The following PKHD1 variants were observed in gnomAD, a reference collection of about 807,000 sequenced individuals.
The protein encoded by PKHD1 is fibrocystin.
PKHD1 carries 291 observed loss-of-function variants against 412.0 expected under a neutral mutation model. The observed-to-expected ratio is 0.71, with a 90% confidence interval of 0.64 to 0.78. The LOEUF (loss-of-function observed/expected upper bound fraction) is 0.78, where lower values mean the gene tolerates loss of function less well. Among genes scored for constraint, PKHD1 ranks in the 30% least tolerant of loss-of-function variants. The pLI is 0.00. For synonymous variants in PKHD1, 1,777 were observed against 1,821.5 expected (o/e 0.98, Z 0.62); for missense variants, 4,825 against 4,950.7 (o/e 0.97, Z 0.76).
intron 37 of PKHD1, among the ~76,000 whole-genome samples, chr6:51,931,805 G>T (rs920367943): frequency 1.3e-5 from 2 of 151,424 alleles, no homozygotes; most frequent in African/African-American, 2.4e-5. Context: ...GCCTAATCTG[G>T]GAATATAGGA....
rs765520501 is a variant in PKHD1, at chr6:52,058,350, G to A, written c.1485C>T (p.Val495=). ...TYLREKHQIR[V]RAQRLPEVQV... ...GTACTTCTGGAAGCCTCTGGGCTCG[G>A]ACTCGGATCTGGTGCTTCTCCCGTA... The change falls in exon 16 of 67, where the codon GTC becomes GTT. Residue 495 remains valine (V), a synonymous_variant. Transcript: ENST00000371117. 2 of 1,614,132 alleles carry A rather than the reference G, an allele frequency of 1.2e-6. No individual in the cohort carries two copies. The highest frequency in any genetic ancestry group is 2.2e-5 in the South Asian group (2 of 91,080).
intron 5 of PKHD1, among the ~76,000 whole-genome samples, chr6:52,079,151 G>T (rs1811703182): frequency 6.6e-6 from 1 of 152,142 alleles, no homozygotes; most frequent in African/African-American, 2.4e-5. Context: ...AAACCATCTA[G>T]GACCTTTTCA....
intron 55 of PKHD1, among the ~76,000 whole-genome samples, chr6:51,768,986 T>G (rs539133950): frequency 6.6e-6 from 1 of 151,702 alleles, no homozygotes; most frequent in Non-Finnish European, 1.5e-5. Flanking sequence ...AATCTTCACA[T>G]CTGGTATTAA....
At chr6:51,677,869 C>CA (rs1189182961) in intron 60 of PKHD1, among the ~76,000 whole-genome samples, 6 of 150,206 alleles carry the variant, frequency 4.0e-5, no homozygotes, top group East Asian at 2.0e-4. Context: ...TTTTTAAATT[C>CA]AAAAAAAAAT....
chr6:51,912,231 T>C (rs921323452), intron 38 of PKHD1, 135 bp downstream of exon 38: 4 of 744,604 alleles, frequency 5.4e-6, no homozygotes, highest in African/African-American at 5.2e-5. Context: ...TTTTTAATTT[T>C]CTTGTCAAAA....
intron 60 of PKHD1, among the ~76,000 whole-genome samples, chr6:51,743,972 C>T (rs1387389304): frequency 6.6e-6 from 1 of 152,088 alleles, no homozygotes; most frequent in African/African-American, 2.4e-5. Flanking sequence ...TCTACCCTAC[C>T]ATTGAGAGAG....
intron 35 of PKHD1, among the ~76,000 whole-genome samples, chr6:51,981,350 T>TA (rs1795193755): frequency 1.7e-5 from 1 of 59,122 alleles, no homozygotes; most frequent in African/African-American, 6.6e-5. Flanking sequence ...CCTCTCCCTC[T>TA]CCCTCTCCCT....
intron 55 of PKHD1, 54 bp from the exon 56 acceptor site, chr6:51,754,992 C>A: frequency 6.9e-7 from 1 of 1,443,236 alleles, no homozygotes; most frequent in Non-Finnish European, 9.8e-7. Flanking sequence ...CACAAATCAT[C>A]TATTAACTCC....
chr6:51,868,271 T>C (rs1000236006), intron 47 of PKHD1, among the ~76,000 whole-genome samples, 162 bp from the exon 48 acceptor site: 3 of 152,064 alleles, frequency 2.0e-5, no homozygotes, highest in Non-Finnish European at 4.4e-5. Flanking sequence ...TTACAGTGAG[T>C]GTTTACTGTC....
At position 51,638,842 on chromosome 6, in the gene PKHD1, A is replaced by C. The variant is rs1204730138; in HGVS notation, c.11506+7T>G. 29 of 1,557,948 alleles carry C rather than the reference A, an allele frequency of 1.9e-5. No homozygotes were observed. Among genetic ancestry groups the C allele is most frequent in the African/African-American group, 2.7e-5 (2 of 73,802 alleles). ...ACACAGAATAAAAGCACACTGTATAAAATTACCTGGAGGAGAAGTGACAGT... is the reference window on the plus strand; with the variant it reads ...ACACAGAATAAAAGCACACTGTATACAATTACCTGGAGGAGAAGTGACAGT... On this transcript the variant is annotated splice_region_variant and intron_variant, in intron 64 of 66. Coordinates refer to ENST00000371117, the MANE Select transcript of PKHD1 (RefSeq NM_138694.4).
intron 43 of PKHD1, among the ~76,000 whole-genome samples, chr6:51,901,629 CA>C (rs1220695627): frequency 3.4e-5 from 5 of 146,292 alleles, no homozygotes; most frequent in Non-Finnish European, 7.5e-5. Context: ...ATGTAACTAA[CA>C]TGCACAATGT....
intron 43 of PKHD1, among the ~76,000 whole-genome samples, chr6:51,903,206 A>T (rs1392349253): frequency 6.6e-6 from 1 of 152,192 alleles, no homozygotes; most frequent in African/African-American, 2.4e-5. Flanking sequence ...TACTTGTTTA[A>T]TGCAAAATTA....
chr6:52,021,389 G>C (rs759566728), intron 33 of PKHD1, among the ~76,000 whole-genome samples: 29 of 152,042 alleles, frequency 1.9e-4, no homozygotes, highest in Non-Finnish European at 3.7e-4. Context: ...TAATAACACG[G>C]GGCTTTTAAA....
At chr6:51,692,813 C>T (rs1199937390) in intron 60 of PKHD1, among the ~76,000 whole-genome samples, 1 of 152,000 alleles carries the variant, frequency 6.6e-6, no homozygotes, top group Non-Finnish European at 1.5e-5. Context: ...TTTGATAAAT[C>T]TCAATCCACT....
chr6:51,953,288 G>A (rs1313201894), intron 36 of PKHD1, among the ~76,000 whole-genome samples: 3 of 151,984 alleles, frequency 2.0e-5, no homozygotes, highest in African/African-American at 7.3e-5. Context: ...ATATTCTACA[G>A]TTAGAGAAAA....
intron 10 of PKHD1, among the ~76,000 whole-genome samples, chr6:52,069,868 A>C (rs1810336754): frequency 6.6e-6 from 1 of 152,206 alleles, no homozygotes; most frequent in Non-Finnish European, 1.5e-5. Context: ...GAAAATCTCC[A>C]TACTTTGGGC....
intron 60 of PKHD1, among the ~76,000 whole-genome samples, chr6:51,741,736 T>C (rs1174506894): frequency 6.6e-6 from 1 of 152,216 alleles, no homozygotes; most frequent in African/African-American, 2.4e-5. Context: ...ATTTTCCTAC[T>C]GGTGTTTTAT....
At chr6:51,699,920 A>AGTGTGTGTGTGTGTGTGTGTGT (rs148337538) in intron 60 of PKHD1, among the ~76,000 whole-genome samples, 55 of 137,858 alleles carry the variant, frequency 4.0e-4, no homozygotes, top group South Asian at 7.5e-4. Context: ...ATATATATGG[A>AGTGTGTGTGTGTGTGTGTGTGT]GTGTGTGTGT....
At chr6:51,997,889 GCTTAA>G (rs1193186446) in intron 35 of PKHD1, among the ~76,000 whole-genome samples, 2 of 152,160 alleles carry the variant, frequency 1.3e-5, no homozygotes, top group African/African-American at 4.8e-5. Context: ...CCATCTCATA[GCTTAA>G]CTTGTCATAC....
Sources: gnomAD v4.1 joint callset for allele counts (sites outside exome capture counted in the v4.1 genomes callset) on GRCh38, gnomAD v4.1.1 for gene constraint, MANE v1.5 for transcripts, NCBI Gene and HGNC (gene_info 2026-07-23, HGNC 2026-07-21) for gene names.